The following TBC1D2B variants were observed in gnomAD, a reference collection of about 807,000 sequenced individuals.
The protein encoded by TBC1D2B is TBC1 domain family, member 2B.
A neutral mutation model predicts 100.8 loss-of-function variants in TBC1D2B; 64 were observed. That is an observed-to-expected ratio of 0.64 (90% CI 0.52 to 0.78). TBC1D2B has a LOEUF of 0.78. Among genes scored for constraint, TBC1D2B ranks in the 30% least tolerant of loss-of-function variants. The probability of loss-of-function intolerance (pLI) is 0.00; values close to 1 mark genes in which losing one functional copy is unlikely to be tolerated. For missense variants in TBC1D2B, 1,052 were observed against 1,218.4 expected, an observed-to-expected ratio of 0.86 and a Z score of 2.03; for synonymous variants, 480 against 479.7, an observed-to-expected ratio of 1.00 and a Z score of -0.01.
chr15:78,046,069 T>G (rs151217750), intron 2 of TBC1D2B, among the ~76,000 whole-genome samples: 25 of 152,152 alleles, frequency 1.6e-4, no homozygotes, highest in African/African-American at 5.5e-4. Context: ...GTAGCTGGGA[T>G]TACAGGCACC....
intron 1 of TBC1D2B, among the ~76,000 whole-genome samples, chr15:78,067,785 C>T (rs2073682545): frequency 6.6e-6 from 1 of 152,214 alleles, no homozygotes; most frequent in Non-Finnish European, 1.5e-5. Flanking sequence ...AAGAAAATGG[C>T]CAAGCATGCA....
chr15:78,034,657 G>T, intron 3 of TBC1D2B: 1 of 985,408 alleles, frequency 1.0e-6, no homozygotes, highest in Non-Finnish European at 1.2e-6. Context: ...CCAGCCTGTT[G>T]CAAGCCTGAG....
intron 12 of TBC1D2B, chr15:77,999,204 C>G (rs2071846370): frequency 2.3e-6 from 1 of 437,088 alleles, no homozygotes; most frequent in East Asian, 7.2e-5. Context: ...CCCTGTCAAC[C>G]AAAGGCCCAA....
At position 78,051,419 on chromosome 15, in the gene TBC1D2B, G is replaced by A. The variant is rs183074227; in HGVS notation, c.514+2615C>T. On this transcript the variant is annotated intron_variant, in intron 2 of 12. Coordinates refer to ENST00000300584, the MANE Select transcript of TBC1D2B (RefSeq NM_144572.2). ...TTCCTAACCCTGTACTACAGGATAC[G>A]TGACTTACTTAGAGTCTGACAACTA... Among the ~76,000 whole-genome samples, 177 of 152,310 alleles carry A rather than the reference G, an allele frequency of 1.2e-3. 1 individual carries two copies. The highest frequency in any genetic ancestry group is 3.8e-3 in the African/African-American group (156 of 41,564).
chr15:78,055,593 A>G (rs891192369), intron 1 of TBC1D2B, among the ~76,000 whole-genome samples: 11 of 152,106 alleles, frequency 7.2e-5, no homozygotes, highest in Non-Finnish European at 1.6e-4. Context: ...AACTACTACT[A>G]CCTCCAAGCA....
chr15:78,031,125 T>A (rs889207021), intron 3 of TBC1D2B, among the ~76,000 whole-genome samples: 11 of 152,254 alleles, frequency 7.2e-5, no homozygotes, highest in Non-Finnish European at 1.6e-4. Flanking sequence ...ACCTTCAGAT[T>A]ATACTATTAA....
intron 2 of TBC1D2B, among the ~76,000 whole-genome samples, chr15:78,053,450 C>A (rs2073356564): frequency 6.6e-6 from 1 of 152,178 alleles, no homozygotes; most frequent in African/African-American, 2.4e-5. Flanking sequence ...TCTCCACAGT[C>A]TTTGCAATGG....
intron 1 of TBC1D2B, among the ~76,000 whole-genome samples, chr15:78,070,449 C>A (rs752390554): frequency 1.3e-5 from 2 of 152,180 alleles, no homozygotes; most frequent in East Asian, 1.9e-4. Context: ...GTCTGTCCCC[C>A]CCACCTACTG....
intron 2 of TBC1D2B, among the ~76,000 whole-genome samples, chr15:78,048,466 A>C (rs1236437269): frequency 6.6e-6 from 1 of 152,222 alleles, no homozygotes; most frequent in African/African-American, 2.4e-5. Context: ...AAGAGGCTGG[A>C]CTAGTGTTCA....
At chr15:78,045,341 G>C (rs1186240621) in intron 2 of TBC1D2B, among the ~76,000 whole-genome samples, 1 of 152,140 alleles carries the variant, frequency 6.6e-6, no homozygotes, top group Non-Finnish European at 1.5e-5. Context: ...GCAAAGGCTA[G>C]AATTTTCCTC....
chr15:78,045,642 C>A (rs553732972), intron 2 of TBC1D2B, among the ~76,000 whole-genome samples: 1 of 152,326 alleles, frequency 6.6e-6, no homozygotes, highest in Non-Finnish European at 1.5e-5. Context: ...CACAACACAT[C>A]TTTAAAATGT....
At chr15:78,061,852 G>T (rs2073552259) in intron 1 of TBC1D2B, among the ~76,000 whole-genome samples, 1 of 152,132 alleles carries the variant, frequency 6.6e-6, no homozygotes, top group African/African-American at 2.4e-5. Flanking sequence ...AACAACAGTT[G>T]TATAGATTTC....
At chr15:78,007,781 TG>T (rs1254615913) in intron 10 of TBC1D2B, among the ~76,000 whole-genome samples, 1 of 152,154 alleles carries the variant, frequency 6.6e-6, no homozygotes, top group African/African-American at 2.4e-5. Context: ...AGGGAGCCGG[TG>T]GGGTCAGCTG....
intron 3 of TBC1D2B, among the ~76,000 whole-genome samples, chr15:78,040,814 A>G (rs1444593147): frequency 2.3e-5 from 3 of 127,800 alleles, no homozygotes; most frequent in African/African-American, 8.5e-5. Flanking sequence ...AGAAAGAAAA[A>G]GCAAGAAAGA....
At chr15:78,073,857 A>C (rs1472219194) in intron 1 of TBC1D2B, among the ~76,000 whole-genome samples, 1 of 151,618 alleles carries the variant, frequency 6.6e-6, no homozygotes, top group Admixed American at 6.6e-5. Context: ...ATAGTCCCTC[A>C]GCTCGGAAGG....
chr15:78,037,143 T>C (rs562880700), intron 3 of TBC1D2B, among the ~76,000 whole-genome samples: 27 of 152,244 alleles, frequency 1.8e-4, no homozygotes, highest in Non-Finnish European at 3.5e-4. Flanking sequence ...GGTTCCCTAC[T>C]GTCCAAAGGG....
chr15:78,076,318 T>C (rs937833008), intron 1 of TBC1D2B, among the ~76,000 whole-genome samples: 1 of 152,156 alleles, frequency 6.6e-6, no homozygotes, highest in Non-Finnish European at 1.5e-5. Context: ...CTCCCACCCA[T>C]CCTGGACAAA....
Position 78,066,289 on chromosome 15 carries a change from G to A in TBC1D2B, c.360+11004C>T, listed in dbSNP as rs554053817. ...GCTATAAACCACAGAGAGTCAACCC[G>A]AGGATGGAGGGCTCACACTTCACTG... is the stretch of plus-strand genomic sequence containing the variant. On this transcript the variant is annotated intron_variant, in intron 1 of 12. Coordinates refer to ENST00000300584, the MANE Select transcript of TBC1D2B (RefSeq NM_144572.2). Among the ~76,000 whole-genome samples, 35 of 152,282 alleles carry A rather than the reference G, an allele frequency of 2.3e-4. 1 individual carries two copies. The highest frequency in any genetic ancestry group is 2.1e-4 in the South Asian group (1 of 4,816).
chr15:78,062,757 T>C (rs980354040), intron 1 of TBC1D2B, among the ~76,000 whole-genome samples: 2 of 150,068 alleles, frequency 1.3e-5, no homozygotes, highest in Middle Eastern at 3.4e-3. Flanking sequence ...TATATTTGCA[T>C]ATTATATTAG....
Sources: gnomAD v4.1 joint callset for allele counts (sites outside exome capture counted in the v4.1 genomes callset) on GRCh38, gnomAD v4.1.1 for gene constraint, MANE v1.5 for transcripts, NCBI Gene and HGNC (gene_info 2026-07-23, HGNC 2026-07-21) for gene names.